AGMO: variants seen among roughly 807,000 people sequenced by gnomAD.
AGMO encodes glyceryl-ether monooxygenase.
A neutral mutation model predicts 60.2 loss-of-function variants in AGMO; 75 were observed. That is an observed-to-expected ratio of 1.25 (90% CI 1.03 to 1.51). The LOEUF (loss-of-function observed/expected upper bound fraction) is 1.51, where lower values mean the gene tolerates loss of function less well. Among genes scored for constraint, AGMO ranks in the 40% most tolerant of loss-of-function variants. The pLI is 0.00. For synonymous variants in AGMO, 261 were observed against 177.1 expected, an observed-to-expected ratio of 1.47 and a Z score of -3.76; for missense variants, 763 against 525.5, an observed-to-expected ratio of 1.45 and a Z score of -4.42.
chr7:15,321,002 C>G (rs1410798445), intron 12 of AGMO, among the ~76,000 whole-genome samples: 1 of 152,132 alleles, frequency 6.6e-6, no homozygotes, highest in Non-Finnish European at 1.5e-5. Context: ...CCCACTCACC[C>G]TGTCCTAGCA....
intron 3 of AGMO, among the ~76,000 whole-genome samples, chr7:15,524,179 G>A (rs1784067245): frequency 1.3e-5 from 2 of 151,728 alleles, no homozygotes; most frequent in South Asian, 4.1e-4. Flanking sequence ...TGCTAAAATA[G>A]TAAACTTGAA....
At chr7:15,308,786 C>T (rs529753483) in intron 12 of AGMO, among the ~76,000 whole-genome samples, 5 of 152,218 alleles carry the variant, frequency 3.3e-5, no homozygotes, top group South Asian at 2.1e-4. Flanking sequence ...CTTCACATAA[C>T]TCTTGGAAGC....
At chr7:15,391,020 T>A (rs1288694196) in intron 6 of AGMO, 115 bp from the exon 7 acceptor site, 8 of 636,196 alleles carry the variant, frequency 1.3e-5, no homozygotes, top group Non-Finnish European at 2.1e-5. Context: ...CAGGGTACAA[T>A]TTCCCTGGGA....
At position 15,561,892 on chromosome 7, in the gene AGMO, G is replaced by T. The variant is rs1785321437; in HGVS notation, c.-47C>A. On this transcript the variant is annotated 5_prime_UTR_variant, in exon 1 of 13. Transcript: ENST00000342526. ...AGCTGGAGAATATTTAGGATTCAAT[G>T]CTTGAAGCCTGAGGCTGAACAAAGA... 6.5e-7 allele frequency: 1 copy of T among 1,548,416 alleles called. No individual in the cohort carries two copies. Among genetic ancestry groups the T allele is most frequent in the African/African-American group, 1.4e-5 (1 of 72,374 alleles).
At chr7:15,289,264 A>T (rs2128521432) in intron 12 of AGMO, among the ~76,000 whole-genome samples, 1 of 118,680 alleles carries the variant, frequency 8.4e-6, no homozygotes, top group African/African-American at 3.3e-5. Context: ...ACACGAAATA[A>T]ATTTATTTAG....
At chr7:15,265,141 A>T (rs1330342283) in intron 12 of AGMO, among the ~76,000 whole-genome samples, 1 of 152,152 alleles carries the variant, frequency 6.6e-6, no homozygotes, top group Non-Finnish European at 1.5e-5. Flanking sequence ...AATAAGATGG[A>T]TGCAGTTGGA....
intron 3 of AGMO, among the ~76,000 whole-genome samples, chr7:15,440,918 A>G (rs555767158): frequency 7.9e-5 from 12 of 152,194 alleles, no homozygotes; most frequent in Non-Finnish European, 1.8e-4. Context: ...TCCCATTTGT[A>G]TCCATCACCA....
At chr7:15,225,619 T>G (rs998857965) in intron 12 of AGMO, among the ~76,000 whole-genome samples, 1 of 151,964 alleles carries the variant, frequency 6.6e-6, no homozygotes, top group Non-Finnish European at 1.5e-5. Flanking sequence ...AAAGACAGAC[T>G]AATAACTTAA....
rs912438722 is a variant in AGMO, at chr7:15,363,854, AATT to A, written c.1263+1657_1263+1659del. Among the ~76,000 whole-genome samples, 150 of 152,160 alleles carry A rather than the reference AATT, an allele frequency of 9.9e-4. 1 individual carries two copies. Among genetic ancestry groups the A allele is most frequent in the African/African-American group, 3.5e-3 (145 of 41,532 alleles). Reference sequence around the variant, plus strand: ...ACCTAAGAGTACTCTCATTAAATGAAATTATTGTCTTTCATGCCTTAAATTAGA... The same window carrying A: ...ACCTAAGAGTACTCTCATTAAATGAAATTGTCTTTCATGCCTTAAATTAGA... On this transcript the variant is annotated intron_variant, in intron 12 of 12. Transcript: ENST00000342526.
chr7:15,136,984 A>G, the AGMO span, among the ~76,000 whole-genome samples: 1 of 152,168 alleles, frequency 6.6e-6, no homozygotes, highest in Admixed American at 6.5e-5. Flanking sequence ...TGGCTTGCCA[A>G]ATCCTATTTT....
At position 15,524,018 on chromosome 7, in the gene AGMO, T is replaced by C. The variant is rs193111847; in HGVS notation, c.409+20754A>G. Among the ~76,000 whole-genome samples the C allele has an allele frequency of 3.3e-5, 5 of 152,202 alleles. No individual in the cohort carries two copies. In the East Asian group the frequency reaches 9.7e-4, roughly 29 times the overall value. On this transcript the variant is annotated intron_variant, in intron 3 of 12. Coordinates refer to ENST00000342526, the MANE Select transcript of AGMO (RefSeq NM_001004320.2). ...TAAAAATAAAAGTAAATACAAACAA[T>C]TGAAGCCTAGTAGTAAACTTTCTGT... is the stretch of plus-strand genomic sequence containing the variant.
At chr7:15,163,576 A>G in the AGMO span, among the ~76,000 whole-genome samples, 2 of 152,152 alleles carry the variant, frequency 1.3e-5, no homozygotes, top group South Asian at 2.1e-4. Context: ...TATTGAAATG[A>G]CCTATGGTTT....
At chr7:15,502,112 A>T (rs1301234233) in intron 3 of AGMO, among the ~76,000 whole-genome samples, 1 of 151,952 alleles carries the variant, frequency 6.6e-6, no homozygotes, top group African/African-American at 2.4e-5. Flanking sequence ...TTTTTTCCTC[A>T]TCTCCAAAGT....
At chr7:15,195,905 A>G (rs377648997), downstream of AGMO, among the ~76,000 whole-genome samples, 10 of 151,970 alleles carry the variant, frequency 6.6e-5, no homozygotes, top group Non-Finnish European at 1.5e-5. Flanking sequence ...TGGTGACAAT[A>G]TTTTTCGACC....
chr7:15,388,810 T>C (rs1276846634), intron 8 of AGMO, among the ~76,000 whole-genome samples: 1 of 152,230 alleles, frequency 6.6e-6, no homozygotes, highest in Non-Finnish European at 1.5e-5. Context: ...AGTTCAAGTA[T>C]TCCTAATTAT....
intron 12 of AGMO, among the ~76,000 whole-genome samples, chr7:15,241,466 A>G (rs1313948108): frequency 4.5e-4 from 51 of 113,280 alleles, no homozygotes; most frequent in African/African-American, 1.4e-3. Flanking sequence ...TCTCAAAAAA[A>G]AAAAAAAAAA....
the AGMO span, among the ~76,000 whole-genome samples, chr7:15,184,918 G>T: frequency 3.4e-5 from 5 of 147,316 alleles, no homozygotes; most frequent in African/African-American, 1.3e-4. Context: ...GGAAGGAAGG[G>T]AGGGAGGGAA....
intron 5 of AGMO, among the ~76,000 whole-genome samples, chr7:15,416,349 TATCA>T (rs1444527933): frequency 6.6e-6 from 1 of 152,142 alleles, no homozygotes; most frequent in Non-Finnish European, 1.5e-5. Context: ...TTTGTTTATT[TATCA>T]AAATAACTCA....
At chr7:15,368,022 A>T (rs910786680) in intron 10 of AGMO, among the ~76,000 whole-genome samples, 5 of 152,058 alleles carry the variant, frequency 3.3e-5, no homozygotes, top group Non-Finnish European at 5.9e-5. Flanking sequence ...CTCACGGCCA[A>T]CTTCCTGGAA....
Sources: gnomAD v4.1 joint callset for allele counts (sites outside exome capture counted in the v4.1 genomes callset) on GRCh38, gnomAD v4.1.1 for gene constraint, MANE v1.5 for transcripts, NCBI Gene and HGNC (gene_info 2026-07-23, HGNC 2026-07-21) for gene names.